Variants in AGBL4 observed in about 807,000 individuals in gnomAD.
The protein encoded by AGBL4 is AGBL carboxypeptidase 4.
AGBL4 carries 58 observed loss-of-function variants against 66.4 expected under a neutral mutation model. The observed-to-expected ratio is 0.87, with a 90% CI of 0.71 to 1.09. The LOEUF is 1.09. AGBL4 is among the 50% of genes least tolerant of loss of function. The pLI is 0.00. For missense variants in AGBL4, 579 were observed against 631.0 expected (o/e 0.92, Z 0.88); for synonymous variants, 234 against 222.9 (o/e 1.05, Z -0.44).
chr1:49,858,688 C>G (rs11590077), intron 1 of AGBL4, among the ~76,000 whole-genome samples: 1 of 152,016 alleles, frequency 6.6e-6, no homozygotes, highest in African/African-American at 2.4e-5. Context: ...ACCAATAATC[C>G]TAAAAGTATA....
chr1:48,896,226 A>C (rs3121524), intron 5 of AGBL4, among the ~76,000 whole-genome samples: 130,753 of 152,122 alleles, frequency 0.86, 57,474 homozygotes, highest in Non-Finnish European at 0.96. Flanking sequence ...TTTAAAACTC[A>C]GATCTCACCT....
intron 4 of AGBL4, among the ~76,000 whole-genome samples, chr1:49,152,212 C>T (rs1022738009): frequency 3.9e-5 from 6 of 152,164 alleles, no homozygotes; most frequent in Admixed American, 2.0e-4. Context: ...CTTCCTCTAA[C>T]CACTATGCTA....
intron 1 of AGBL4, among the ~76,000 whole-genome samples, chr1:49,987,907 C>A (rs1241615853): frequency 6.6e-6 from 1 of 151,450 alleles, no homozygotes; most frequent in Non-Finnish European, 1.5e-5. Flanking sequence ...AATTCAAGTT[C>A]ATGCCTCTAA....
chr1:49,710,014 T>C (rs571899291), intron 2 of AGBL4, among the ~76,000 whole-genome samples: 8 of 152,288 alleles, frequency 5.3e-5, no homozygotes, highest in Admixed American at 2.0e-4. Context: ...AGTTCAACCA[T>C]TGTGGAAGAC....
At chr1:49,702,919 T>C (rs7530169) in intron 2 of AGBL4, among the ~76,000 whole-genome samples, 103,745 of 151,938 alleles carry the variant, frequency 0.68, 36,149 homozygotes, top group African/African-American at 0.77. Flanking sequence ...ATACTCAAGA[T>C]GAACACAAGG....
At chr1:49,832,956 T>C (rs1645736003) in intron 2 of AGBL4, among the ~76,000 whole-genome samples, 1 of 152,070 alleles carries the variant, frequency 6.6e-6, no homozygotes, top group Non-Finnish European at 1.5e-5. Flanking sequence ...CTGTTCACTC[T>C]GATGGTAGTT....
intron 2 of AGBL4, among the ~76,000 whole-genome samples, chr1:49,828,429 G>C (rs1171585973): frequency 6.6e-6 from 1 of 152,110 alleles, no homozygotes; most frequent in East Asian, 1.9e-4. Context: ...AAGTAAAGAT[G>C]GTGTGGGGGA....
At chr1:49,685,999 T>C (rs1646780870) in intron 3 of AGBL4, among the ~76,000 whole-genome samples, 1 of 152,182 alleles carries the variant, frequency 6.6e-6, no homozygotes, top group Non-Finnish European at 1.5e-5. Flanking sequence ...TGGTATTTCC[T>C]AGGTTTTCAT....
intron 1 of AGBL4, among the ~76,000 whole-genome samples, chr1:49,905,104 T>C (rs1285707127): frequency 1.3e-5 from 2 of 152,190 alleles, no homozygotes; most frequent in Non-Finnish European, 2.9e-5. Flanking sequence ...CAAAGCATCA[T>C]GGCATCACTT....
intron 1 of AGBL4, among the ~76,000 whole-genome samples, chr1:49,879,369 C>A (rs1342634799): frequency 6.7e-6 from 1 of 150,334 alleles, no homozygotes; most frequent in African/African-American, 2.4e-5. Flanking sequence ...GTGACAAAAT[C>A]TCTCAGCATT....
intron 3 of AGBL4, among the ~76,000 whole-genome samples, chr1:49,362,550 C>T (rs1357708566): frequency 6.6e-6 from 1 of 151,826 alleles, no homozygotes; most frequent in Non-Finnish European, 1.5e-5. Flanking sequence ...CAAACTTCAG[C>T]CGAGGGAGTA....
intron 4 of AGBL4, among the ~76,000 whole-genome samples, chr1:49,220,383 T>C (rs762516525): frequency 6.6e-6 from 1 of 152,146 alleles, no homozygotes; most frequent in Non-Finnish European, 1.5e-5. Context: ...CTATGCCACT[T>C]ACCAACTACA....
intron 3 of AGBL4, among the ~76,000 whole-genome samples, chr1:49,339,945 A>T (rs531676288): frequency 6.6e-6 from 1 of 152,288 alleles, no homozygotes; most frequent in African/African-American, 2.4e-5. Context: ...ATTCATCAAT[A>T]CCATATTCTC....
chr1:49,166,053 A>C (rs1364918245), intron 4 of AGBL4, among the ~76,000 whole-genome samples: 2 of 152,128 alleles, frequency 1.3e-5, no homozygotes, highest in Non-Finnish European at 2.9e-5. Context: ...AATTGACTGC[A>C]TCTTGTGGAC....
intron 4 of AGBL4, among the ~76,000 whole-genome samples, chr1:49,057,578 A>G (rs1410514592): frequency 6.6e-6 from 1 of 152,158 alleles, no homozygotes; most frequent in African/African-American, 2.4e-5. Context: ...AAGACCTTTG[A>G]ACACTTTTCC....
chr1:49,278,009 A>T (rs930704494), intron 3 of AGBL4, among the ~76,000 whole-genome samples: 6 of 152,218 alleles, frequency 3.9e-5, no homozygotes, highest in Admixed American at 3.9e-4. Context: ...TTTAACAATC[A>T]TAACAACATG....
At chr1:49,561,246 T>G (rs1052652840) in intron 3 of AGBL4, among the ~76,000 whole-genome samples, 3 of 151,788 alleles carry the variant, frequency 2.0e-5, no homozygotes, top group African/African-American at 7.3e-5. Flanking sequence ...TAAGTTTTCT[T>G]TTTAAAAAAA....
intron 4 of AGBL4, among the ~76,000 whole-genome samples, chr1:49,227,629 G>A (rs895963095): frequency 6.6e-6 from 1 of 152,116 alleles, no homozygotes; most frequent in African/African-American, 2.4e-5. Flanking sequence ...GTTGTCTTCT[G>A]TAGCTTATTT....
chr1:49,313,436 T>C lies in AGBL4; in HGVS notation c.283-67572A>G, dbSNP rs562436085. ...AATGGTATTTCTGGTTCTAGATCCT[T>C]GAGGAATCACCATGCTGTCTTTCAC... On this transcript the variant is annotated intron_variant, in intron 3 of 13. Transcript: ENST00000371839. 1.2e-3 allele frequency among the ~76,000 whole-genome samples: 176 copies of C among 152,248 alleles called. 2 individuals are homozygous for C. In the South Asian group the frequency reaches 0.016, roughly 13 times the overall value.
Sources: allele counts gnomAD v4.1 joint callset (sites outside exome capture counted in the v4.1 genomes callset), GRCh38; gene constraint gnomAD v4.1.1; transcripts MANE v1.5; gene names NCBI Gene and HGNC (gene_info 2026-07-23, HGNC 2026-07-21).